TEAD3: variants seen among roughly 807,000 people sequenced by gnomAD.
The protein encoded by TEAD3 is transcriptional enhancer factor TEF-5.
In TEAD3, 15 loss-of-function variants were observed where a neutral mutation model predicts 55.6. The ratio of observed to expected loss-of-function variants is 0.27; its 90% CI spans 0.18 to 0.42. The LOEUF (loss-of-function observed/expected upper bound fraction) is 0.42. Ranked by LOEUF, TEAD3 falls within the 10% of genes least tolerant of loss-of-function variation. The pLI is 1.00. For missense variants in TEAD3, 407 were observed against 576.8 expected (o/e 0.71, Z 3.01); for synonymous variants, 210 against 232.2 (o/e 0.90, Z 0.87).
At position 35,488,224 on chromosome 6, in the gene TEAD3, C is replaced by T. The variant is rs374585055; in HGVS notation, c.-49-1513G>A. On this transcript the variant is annotated intron_variant, in intron 1 of 12. Transcript: ENST00000639578. The surrounding 1 kb of genome is among the most constrained non-coding windows in gnomAD (Gnocchi z 4.2). ...GCTCCTCTATCCCACTTCCTGTTCC[C>T]GCACCTCCAGGCCCCACAGCAGCCC... 3.9e-5 allele frequency among the ~76,000 whole-genome samples: 6 copies of T among 152,266 alleles called. No homozygotes were observed. The highest frequency in any genetic ancestry group is 3.9e-4 in the East Asian group (2 of 5,168).
Position 35,476,000 on chromosome 6 carries a change from G to A in TEAD3, c.819C>T (p.Asp273=). The A allele has an allele frequency of 6.4e-7, 1 of 1,566,614 alleles. No individual in the cohort carries two copies. The highest frequency in any genetic ancestry group is 8.6e-7 in the Non-Finnish European group (1 of 1,158,366). Residue 273 remains aspartate (D), a synonymous_variant, in exon 10 of 13, where the codon GAC becomes GAT. Coordinates refer to ENST00000639578, the Ensembl canonical transcript of TEAD3. The surrounding 1 kb of genome is among the most constrained non-coding windows in gnomAD (Gnocchi z 5.4). Reference sequence around the variant, plus strand: ...ATCCTCCCTTTTTCTCGGGGAATTTGTCATAGATCTGGCGCACATCTACTG... The same window carrying A: ...ATCCTCCCTTTTTCTCGGGGAATTTATCATAGATCTGGCGCACATCTACTG...
In TEAD3 at chr6:35,488,762, C is replaced by CTA. The variant is rs1768439870; in HGVS notation, c.-49-2052_-49-2051insTA. Among the ~76,000 whole-genome samples the CTA allele has an allele frequency of 6.6e-6, 1 of 152,034 alleles. No individual in the cohort carries two copies. Among genetic ancestry groups the CTA allele is most frequent in the Non-Finnish European group, 1.5e-5 (1 of 68,008 alleles). ...TTTTTTAGACGGAGTCTTGCTCTGTCGCCCAGGCTAGAGTGCAATGGCGCG... is the reference window on the plus strand; with the variant it reads ...TTTTTTAGACGGAGTCTTGCTCTGTCTAGCCCAGGCTAGAGTGCAATGGCGCG... On this transcript the variant is annotated intron_variant, in intron 1 of 12. Transcript: ENST00000639578. The surrounding 1 kb of genome is among the most constrained non-coding windows in gnomAD (Gnocchi z 4.2).
rs562920451 is a variant in TEAD3 at position 35,488,585 on chromosome 6, C to A, written c.-49-1874G>T. ...GAATTCCAGGTCCTGCTGCTTGAGT[C>A]GGGGTGGACTCTCTCTGCAGAGCCA... is the stretch of plus-strand genomic sequence containing the variant. On this transcript the variant is annotated intron_variant, in intron 1 of 12. Transcript: ENST00000639578. This position sits in a 1 kb window ranked among gnomAD's most constrained non-coding sequence, Gnocchi z 4.2. 1.3e-5 allele frequency among the ~76,000 whole-genome samples: 2 copies of A among 152,086 alleles called. No homozygotes were observed. The highest frequency in any genetic ancestry group is 6.5e-5 in the Admixed American group (1 of 15,290).
At position 35,484,491 on chromosome 6, in the gene TEAD3, C is replaced by A; in HGVS notation, c.267+69G>T. On this transcript the variant is annotated intron_variant, in intron 3 of 12. Transcript: ENST00000639578. This position sits in a 1 kb window ranked among gnomAD's most constrained non-coding sequence, Gnocchi z 5.8. ...CTCGAGGAGGTGGGCAGGGTAGGGG[C>A]AAGGGGTTGACCGGGGCAGCTGAGA... is the stretch of plus-strand genomic sequence containing the variant. 2 of 1,491,180 alleles carry A rather than the reference C, an allele frequency of 1.3e-6. No homozygotes were observed. The highest frequency in any genetic ancestry group is 1.8e-6 in the Non-Finnish European group (2 of 1,090,728). 92.4% of individuals were successfully genotyped at this position (1,491,180 alleles called of 1,614,324 possible).
rs758556497 is a variant in TEAD3, at chr6:35,486,427, G to A, written c.202+34C>T. ...TGAGAGGGCAGAGAGCAGGGGGAAG[G>A]GCCGCAGTCCCGCCCGCGCCCCCCG... On this transcript the variant is annotated intron_variant, in intron 2 of 12. Coordinates refer to ENST00000639578, the Ensembl canonical transcript of TEAD3. This position sits in a 1 kb window ranked among gnomAD's most constrained non-coding sequence, Gnocchi z 7.3. The A allele has an allele frequency of 3.1e-6, 5 of 1,587,928 alleles. No homozygotes were observed. Among genetic ancestry groups the A allele is most frequent in the Non-Finnish European group, 4.3e-6 (5 of 1,163,718 alleles).
intron 3 of TEAD3, among the ~76,000 whole-genome samples, 192 bp from the exon 4 acceptor site, chr6:35,480,566 C>T (rs967642437): frequency 3.3e-5 from 5 of 152,300 alleles, no homozygotes; most frequent in East Asian, 1.9e-4. Context: ...TGGGCTCAAG[C>T]GATCCTCCCA....
At chr6:35,479,680 C>T (rs1768228250) in intron 4 of TEAD3, among the ~76,000 whole-genome samples, 1 of 152,182 alleles carries the variant, frequency 6.6e-6, no homozygotes, top group African/African-American at 2.4e-5. Context: ...TCATGAACCC[C>T]AGACTCTGAG....
intron 1 of TEAD3, among the ~76,000 whole-genome samples, chr6:35,493,770 C>T (rs1329088705): frequency 1.3e-5 from 2 of 152,260 alleles, no homozygotes; most frequent in Admixed American, 6.5e-5. Context: ...CTCACGCACA[C>T]GCGCCCGCGC....
Position 35,485,246 on chromosome 6 carries a change from C to T in TEAD3, c.203-622G>A, listed in dbSNP as rs1209480803. On this transcript the variant is annotated intron_variant, in intron 2 of 12. Coordinates refer to ENST00000639578, the Ensembl canonical transcript of TEAD3. The surrounding 1 kb of genome is among the most constrained non-coding windows in gnomAD (Gnocchi z 4.3). ...TGTCAAGATGTGTCACTGAGCATGT[C>T]GCCATGTCCTTGTGCCTGTCACCCC... Among the ~76,000 whole-genome samples the T allele has an allele frequency of 3.3e-5, 5 of 152,188 alleles. No individual in the cohort carries two copies. The highest frequency in any genetic ancestry group is 2.1e-4 in the South Asian group (1 of 4,830).
chr6:35,493,016 T>C (rs547099067), intron 1 of TEAD3, among the ~76,000 whole-genome samples: 1 of 152,000 alleles, frequency 6.6e-6, no homozygotes, highest in Non-Finnish European at 1.5e-5. Flanking sequence ...GGTCGCCCAC[T>C]GGGCTCCCAC....
rs1768432834 is a variant in TEAD3, at chr6:35,488,350, G to A, written c.-49-1639C>T. On this transcript the variant is annotated intron_variant, in intron 1 of 12. Transcript: ENST00000639578. The surrounding 1 kb of genome is among the most constrained non-coding windows in gnomAD (Gnocchi z 4.2). ...CTGAACCTGCCAGGCTATTAATTTG[G>A]ACCACACCCCACCAGGCCCCCTATC... 6.6e-6 allele frequency among the ~76,000 whole-genome samples: 1 copy of A among 151,912 alleles called. No homozygotes were observed. The highest frequency in any genetic ancestry group is 2.4e-5 in the African/African-American group (1 of 41,340).
In TEAD3 at chr6:35,475,730, T is replaced by C. The variant is rs370153314; in HGVS notation, c.901-24A>G. On this transcript the variant is annotated intron_variant, in intron 10 of 12. Transcript: ENST00000639578. This position sits in a 1 kb window ranked among gnomAD's most constrained non-coding sequence, Gnocchi z 5.4. ...GCCTGGGCATGGGGGTGGGGGGTGT[T>C]AGGTGCTGGCAGAGACCAGAAGTAT... is the stretch of plus-strand genomic sequence containing the variant. The C allele has an allele frequency of 9.0e-6, 14 of 1,557,164 alleles. No individual in the cohort carries two copies. In the African/African-American group the frequency reaches 1.2e-4, roughly 14 times the overall value.
downstream of TEAD3, chr6:35,473,955 G>A (rs1022377536): frequency 2.6e-5 from 4 of 152,494 alleles, no homozygotes; most frequent in African/African-American, 9.7e-5. Flanking sequence ...GGGACAGCAG[G>A]TGAAGGGTTA....
At position 35,496,685 on chromosome 6, in the gene TEAD3, G is replaced by T. The variant is rs971714205; in HGVS notation, c.-50+213C>A. On this transcript the variant is annotated intron_variant, in intron 1 of 12. Coordinates refer to ENST00000639578, the Ensembl canonical transcript of TEAD3. This position sits in a 1 kb window ranked among gnomAD's most constrained non-coding sequence, Gnocchi z 4.8. Reference sequence around the variant, plus strand: ...TCCCGGACCAACTCGTCCCCGTCGCGGGGGGGTGGGGAGGGCGGGGGGCGG... The same window carrying T: ...TCCCGGACCAACTCGTCCCCGTCGCTGGGGGGTGGGGAGGGCGGGGGGCGG... Among the ~76,000 whole-genome samples, 6 of 152,042 alleles carry T rather than the reference G, an allele frequency of 3.9e-5. No homozygotes were observed. Among genetic ancestry groups the T allele is most frequent in the African/African-American group, 1.4e-4 (6 of 41,422 alleles).
In TEAD3 at chr6:35,491,885, G is replaced by C. The variant is rs2150918011; in HGVS notation, c.-50+5013C>G. Reference sequence around the variant, plus strand: ...CTGGCTGGACAGCTCCAGGGATCAGGCTGGAGCTGGGGCCGCTGCAGAGGC... The same window carrying C: ...CTGGCTGGACAGCTCCAGGGATCAGCCTGGAGCTGGGGCCGCTGCAGAGGC... On this transcript the variant is annotated intron_variant, in intron 1 of 12. Coordinates refer to ENST00000639578, the Ensembl canonical transcript of TEAD3. This position sits in a 1 kb window ranked among gnomAD's most constrained non-coding sequence, Gnocchi z 4.4. Among the ~76,000 whole-genome samples, 1 of 152,310 alleles carries C rather than the reference G, an allele frequency of 6.6e-6. No homozygotes were observed. The highest frequency in any genetic ancestry group is 2.4e-5 in the African/African-American group (1 of 41,572).
downstream of TEAD3, chr6:35,474,863 A>G (rs1581720243): frequency 6.9e-6 from 4 of 582,224 alleles, no homozygotes; most frequent in South Asian, 2.1e-5. Flanking sequence ...TTCTCCCACA[A>G]TTAAAGCGCA....
chr6:35,481,634 A>G (rs778230610), intron 3 of TEAD3, among the ~76,000 whole-genome samples: 2 of 152,184 alleles, frequency 1.3e-5, no homozygotes, highest in Non-Finnish European at 2.9e-5. Flanking sequence ...CTTTACAGCA[A>G]CACAAAAACC....
At chr6:35,489,793 T>C (rs1323809786) in intron 1 of TEAD3, among the ~76,000 whole-genome samples, 2 of 151,972 alleles carry the variant, frequency 1.3e-5, no homozygotes, top group African/African-American at 2.4e-5. Context: ...ACGACTATAA[T>C]CCCAGCACTC....
intron 1 of TEAD3, among the ~76,000 whole-genome samples, chr6:35,494,890 G>T (rs1343280976): frequency 7.1e-6 from 1 of 141,106 alleles, no homozygotes; most frequent in Non-Finnish European, 1.5e-5. Flanking sequence ...CACCTTTTCA[G>T]CCCTGTTCAT....
Sources: gnomAD v4.1 joint callset for allele counts (sites outside exome capture counted in the v4.1 genomes callset) on GRCh38, gnomAD v4.1.1 for gene constraint, Gnocchi (gnomAD v3.1) non-coding constraint, MANE v1.5 for transcripts, NCBI Gene and HGNC (gene_info 2026-07-23, HGNC 2026-07-21) for gene names.